Variants in CCDC171 observed in about 807,000 individuals in gnomAD.
CCDC171 encodes the protein coiled-coil domain-containing protein 171.
Under a neutral mutation model 168.2 loss-of-function variants are expected in CCDC171, and 177 were observed. That is an observed-to-expected ratio of 1.05 (90% CI 0.93 to 1.19). The LOEUF is 1.19. CCDC171 is among the 50% of genes most tolerant of loss of function. CCDC171 has a pLI of 0.00. For missense variants in CCDC171, 1,991 were observed against 1,539.0 expected (o/e 1.29, Z -4.91); for synonymous variants, 687 against 540.8 (o/e 1.27, Z -3.75).
intron 24 of CCDC171, among the ~76,000 whole-genome samples, chr9:15,881,828 C>T (rs1009420671): frequency 5.9e-5 from 9 of 152,226 alleles, no homozygotes; most frequent in East Asian, 1.9e-4. Context: ...ATATCTATAT[C>T]GCATTTTCTT....
chr9:15,874,779 A>T (rs964384898), intron 24 of CCDC171, 116 bp downstream of exon 24: 1 of 1,032,904 alleles, frequency 9.7e-7, no homozygotes, highest in Non-Finnish European at 1.3e-6. Flanking sequence ...ATGCAAATAG[A>T]TGTTTCTTCA....
At chr9:15,818,103 G>A (rs7861917) in intron 21 of CCDC171, among the ~76,000 whole-genome samples, 2,468 of 117,734 alleles carry the variant, frequency 0.021, 748 homozygotes, top group African/African-American at 0.073. Context: ...TGGACCTCCA[G>A]TAAACCCCAA....
chr9:15,794,719 A>G (rs2135677711), intron 21 of CCDC171, among the ~76,000 whole-genome samples: 1 of 152,362 alleles, frequency 6.6e-6, no homozygotes, highest in South Asian at 2.1e-4. Context: ...CATGTGGTAC[A>G]CAAAGCCTAA....
chr9:15,983,049 G>A (rs1017592626), intron 3 of CCDC171, among the ~76,000 whole-genome samples: 2 of 152,152 alleles, frequency 1.3e-5, no homozygotes, highest in African/African-American at 4.8e-5. Context: ...TTCTTGTGCA[G>A]CACTTAACTA....
the CCDC171 span, among the ~76,000 whole-genome samples, chr9:16,108,807 A>G: frequency 6.6e-6 from 1 of 152,168 alleles, no homozygotes; most frequent in Non-Finnish European, 1.5e-5. Flanking sequence ...CCATGAGCAA[A>G]AGCCTCCTGA....
intron 1 of CCDC171, among the ~76,000 whole-genome samples, chr9:16,060,265 C>G (rs1302856477): frequency 6.6e-6 from 1 of 152,032 alleles, no homozygotes; most frequent in East Asian, 1.9e-4. Context: ...TTGTCAGTAC[C>G]GATGCTGAGA....
intron 11 of CCDC171, among the ~76,000 whole-genome samples, chr9:15,717,524 A>G (rs1048521213): frequency 1.3e-5 from 2 of 152,248 alleles, no homozygotes; most frequent in African/African-American, 2.4e-5. Flanking sequence ...GAGTGCTTGC[A>G]GTACCCCACC....
intron 24 of CCDC171, among the ~76,000 whole-genome samples, chr9:15,915,820 A>C (rs1326756795): frequency 6.6e-6 from 1 of 152,074 alleles, no homozygotes; most frequent in Non-Finnish European, 1.5e-5. Context: ...TTTTATCATG[A>C]TGGTATACTG....
chr9:16,107,743 CA>C, the CCDC171 span, among the ~76,000 whole-genome samples: 3 of 151,650 alleles, frequency 2.0e-5, no homozygotes, highest in Non-Finnish European at 4.4e-5. Flanking sequence ...ACTTTCTTGA[CA>C]AAAAAAATTT....
In CCDC171 at chr9:15,927,721, A is replaced by AAGAT. The variant is rs1245403092; in HGVS notation, c.3753+7300_3753+7303dup. 2.0e-5 allele frequency among the ~76,000 whole-genome samples: 3 copies of AAGAT among 151,634 alleles called. No homozygotes were observed. The Admixed American group carries it at 2.0e-4, about 10-fold the overall frequency. Reference sequence around the variant, plus strand: ...ATTGTTTAGATATTTTGGTTCAGTTAAGATGAAAAAAAGGGATCCTCTTTC... The same window carrying AAGAT: ...ATTGTTTAGATATTTTGGTTCAGTTAAGATAGATGAAAAAAAGGGATCCTCTTTC... On this transcript the variant is annotated intron_variant, in intron 25 of 25. Coordinates refer to ENST00000380701, the MANE Select transcript of CCDC171 (RefSeq NM_173550.4).
chr9:15,906,650 A>T (rs1822671260), intron 24 of CCDC171, among the ~76,000 whole-genome samples: 1 of 151,708 alleles, frequency 6.6e-6, no homozygotes, highest in South Asian at 2.1e-4. Flanking sequence ...CCTATTCAAC[A>T]TAGTGTTGGA....
intron 3 of CCDC171, among the ~76,000 whole-genome samples, chr9:16,014,985 A>T (rs1832972103): frequency 6.6e-6 from 1 of 152,044 alleles, no homozygotes; most frequent in Non-Finnish European, 1.5e-5. Context: ...TGAAGCCTTG[A>T]ACTCTTCCAA....
At chr9:15,906,347 TG>T (rs1822601541) in intron 24 of CCDC171, among the ~76,000 whole-genome samples, 2 of 152,178 alleles carry the variant, frequency 1.3e-5, no homozygotes, top group Non-Finnish European at 2.9e-5. Flanking sequence ...GCTTCATCCC[TG>T]GGATGCAAAG....
intron 21 of CCDC171, among the ~76,000 whole-genome samples, chr9:15,839,089 C>T (rs2060568574): frequency 6.6e-6 from 1 of 152,122 alleles, no homozygotes; most frequent in Admixed American, 6.6e-5. Context: ...CTGTACAATT[C>T]ATCATTTCTT....
chr9:15,990,457 G>C (rs1267439034), intron 3 of CCDC171, among the ~76,000 whole-genome samples: 1 of 152,198 alleles, frequency 6.6e-6, no homozygotes, highest in African/African-American at 2.4e-5. Flanking sequence ...ACCAGTACCA[G>C]CCACTGCAAA....
At chr9:15,690,756 A>C (rs1358025372) in intron 10 of CCDC171, among the ~76,000 whole-genome samples, 2 of 152,224 alleles carry the variant, frequency 1.3e-5, no homozygotes, top group Non-Finnish European at 2.9e-5. Context: ...TAACAAAAAG[A>C]GATTGCTTTT....
chr9:15,643,839 A>G (rs1407896420), intron 7 of CCDC171, among the ~76,000 whole-genome samples: 1 of 152,102 alleles, frequency 6.6e-6, no homozygotes, highest in East Asian at 1.9e-4. Context: ...GGTCTTTTGT[A>G]TTTGACTTCT....
chr9:16,061,904 T>A (rs2133087838), downstream of CCDC171, among the ~76,000 whole-genome samples: 1 of 152,318 alleles, frequency 6.6e-6, no homozygotes, highest in South Asian at 2.1e-4. Context: ...AATCCCTGGT[T>A]TGGAGCATTT....
chr9:15,569,847 A>AAAACAAAAC (rs1491240573), intron 2 of CCDC171, among the ~76,000 whole-genome samples: 1,662 of 43,890 alleles, frequency 0.038, 33 homozygotes, highest in African/African-American at 0.1. Context: ...ACAAACAAAC[A>AAAACAAAAC]AAAAAAAAAT....
Sources: gnomAD v4.1 joint callset for allele counts (sites outside exome capture counted in the v4.1 genomes callset) on GRCh38, gnomAD v4.1.1 for gene constraint, MANE v1.5 for transcripts, NCBI Gene and HGNC (gene_info 2026-07-23, HGNC 2026-07-21) for gene names.